CFAP299: variants seen among roughly 807,000 people sequenced by gnomAD.
CFAP299 encodes the protein cilia- and flagella-associated protein 299.
CFAP299 carries 21 observed loss-of-function variants against 27.0 expected under a neutral mutation model. The observed-to-expected ratio is 0.78, with a 90% CI of 0.55 to 1.12. CFAP299 has a LOEUF of 1.12. Ranked by LOEUF, CFAP299 falls within the 50% of genes most tolerant of loss-of-function variation. The pLI, the probability that CFAP299 is intolerant of heterozygous loss-of-function variation, is 0.00. For missense variants in CFAP299, 310 were observed against 276.6 expected, an observed-to-expected ratio of 1.12 and a Z score of -0.86; for synonymous variants, 104 against 98.1, an observed-to-expected ratio of 1.06 and a Z score of -0.36.
intron 3 of CFAP299, among the ~76,000 whole-genome samples, chr4:80,588,533 G>A (rs1736563635): frequency 6.6e-6 from 1 of 150,722 alleles, no homozygotes; most frequent in African/African-American, 2.5e-5. Flanking sequence ...ATGAAACATA[G>A]CCATTTGAAT....
At chr4:80,436,399 C>T (rs1023237217) in intron 2 of CFAP299, among the ~76,000 whole-genome samples, 6 of 151,308 alleles carry the variant, frequency 4.0e-5, no homozygotes, top group African/African-American at 7.3e-5. Flanking sequence ...CACAGGTTCA[C>T]GCCATTCTCC....
chr4:80,497,985 GT>G (rs1343030172), intron 2 of CFAP299, among the ~76,000 whole-genome samples: 1 of 152,090 alleles, frequency 6.6e-6, no homozygotes, highest in Non-Finnish European at 1.5e-5. Flanking sequence ...CTTTGATAAA[GT>G]TGACAAAAAC....
At chr4:80,397,018 T>A (rs377285038) in intron 2 of CFAP299, among the ~76,000 whole-genome samples, 2 of 152,296 alleles carry the variant, frequency 1.3e-5, no homozygotes. Context: ...CCTGGACTTT[T>A]TTTGGTTGGT....
At chr4:80,956,547 C>T (rs1738078116) in intron 5 of CFAP299, among the ~76,000 whole-genome samples, 1 of 152,122 alleles carries the variant, frequency 6.6e-6, no homozygotes, top group South Asian at 2.1e-4. Flanking sequence ...ATCCCACTTC[C>T]ACCCCGGCAC....
intron 4 of CFAP299, among the ~76,000 whole-genome samples, chr4:80,924,555 T>TATATATATATATATATA (rs1736214506): frequency 6.7e-6 from 1 of 149,360 alleles, no homozygotes; most frequent in Admixed American, 6.7e-5. Flanking sequence ...TATATATATA[T>TATATATATATATATATA]ATATATATCT....
At chr4:80,809,177 C>T (rs1294553847) in intron 3 of CFAP299, among the ~76,000 whole-genome samples, 1 of 152,158 alleles carries the variant, frequency 6.6e-6, no homozygotes, top group African/African-American at 2.4e-5. Flanking sequence ...ACCACATTTG[C>T]TGCAGAATTC....
At chr4:80,650,961 A>C (rs1577975178) in intron 3 of CFAP299, among the ~76,000 whole-genome samples, 4 of 152,198 alleles carry the variant, frequency 2.6e-5, no homozygotes, top group Admixed American at 1.3e-4. Flanking sequence ...TCACTACTAA[A>C]GAACTTACTC....
At chr4:80,743,118 C>T (rs1724376891) in intron 3 of CFAP299, among the ~76,000 whole-genome samples, 1 of 152,062 alleles carries the variant, frequency 6.6e-6, no homozygotes, top group Admixed American at 6.6e-5. Flanking sequence ...GTAGACCGGG[C>T]TCCGTGGCTC....
Position 80,510,809 on chromosome 4 carries a change from A to G in CFAP299, c.243-72284A>G, listed in dbSNP as rs556614431. ...CAAGTGAACATCACCCCAACTATTT[A>G]TCATTTGTAGTATGTACAATGTTAG... On this transcript the variant is annotated intron_variant, in intron 2 of 5. Transcript: ENST00000358105. Among the ~76,000 whole-genome samples, 117 of 152,328 alleles carry G rather than the reference A, an allele frequency of 7.7e-4. No individual in the cohort carries two copies. The Middle Eastern group carries it at 0.014, about 18-fold the overall frequency.
chr4:80,804,352 A>G (rs914823690), intron 3 of CFAP299, among the ~76,000 whole-genome samples: 3 of 152,158 alleles, frequency 2.0e-5, no homozygotes, highest in African/African-American at 7.2e-5. Context: ...CAAGTAGCTT[A>G]TATAAGTGGA....
chr4:80,535,344 A>ATATCACTCTCTAGCCATGTTTCTGGATGG (rs775384992), intron 2 of CFAP299, among the ~76,000 whole-genome samples: 20 of 132,964 alleles, frequency 1.5e-4, no homozygotes, highest in African/African-American at 2.7e-4. Flanking sequence ...GAAGAGCTTC[A>ATATCACTCTCTAGCCATGTTTCTGGATGG]ATTAGCCGGG....
intron 2 of CFAP299, among the ~76,000 whole-genome samples, chr4:80,464,039 T>C (rs180791055): frequency 3.9e-5 from 6 of 152,332 alleles, no homozygotes; most frequent in Admixed American, 2.0e-4. Flanking sequence ...TATTTTTGGC[T>C]GTCTTTGACT....
intron 4 of CFAP299, among the ~76,000 whole-genome samples, chr4:80,897,206 AG>A (rs1032431788): frequency 2.0e-5 from 3 of 152,292 alleles, no homozygotes; most frequent in African/African-American, 7.2e-5. Context: ...AGTTCTTTAT[AG>A]GGTATTCCAG....
chr4:80,672,133 T>G (rs1332758410), intron 3 of CFAP299, among the ~76,000 whole-genome samples: 1 of 152,216 alleles, frequency 6.6e-6, no homozygotes, highest in Non-Finnish European at 1.5e-5. Flanking sequence ...TAATATTGGC[T>G]GTGGGTCTCT....
chr4:80,692,080 A>T (rs553637553), intron 3 of CFAP299, among the ~76,000 whole-genome samples: 1 of 152,190 alleles, frequency 6.6e-6, no homozygotes, highest in Non-Finnish European at 1.5e-5. Flanking sequence ...CTATGCTCAT[A>T]GGTAGGAAGA....
intron 3 of CFAP299, among the ~76,000 whole-genome samples, chr4:80,690,152 A>G (rs550541347): frequency 6.7e-6 from 1 of 150,128 alleles, no homozygotes; most frequent in Non-Finnish European, 1.5e-5. Flanking sequence ...AAAATCAACA[A>G]GGATACCCAG....
At chr4:80,874,338 C>T (rs1050259114) in intron 4 of CFAP299, among the ~76,000 whole-genome samples, 4 of 152,248 alleles carry the variant, frequency 2.6e-5, no homozygotes, top group Admixed American at 1.3e-4. Context: ...CTCCTTGATA[C>T]GCAAAGTATA....
At chr4:80,645,232 C>A (rs1739941156) in intron 3 of CFAP299, among the ~76,000 whole-genome samples, 1 of 152,138 alleles carries the variant, frequency 6.6e-6, no homozygotes. Context: ...TAGTAACTCC[C>A]TCTTTCTCAT....
chr4:80,637,217 A>T (rs1216425455), intron 3 of CFAP299, among the ~76,000 whole-genome samples: 1 of 152,224 alleles, frequency 6.6e-6, no homozygotes, highest in African/African-American at 2.4e-5. Flanking sequence ...TAAAAGAGGT[A>T]TGGTTAATAT....
Sources: allele counts gnomAD v4.1 joint callset (sites outside exome capture counted in the v4.1 genomes callset), GRCh38; gene constraint gnomAD v4.1.1; transcripts MANE v1.5; gene names NCBI Gene and HGNC (gene_info 2026-07-23, HGNC 2026-07-21).